The following PLEKHG4B variants were observed in gnomAD, a reference collection of about 807,000 sequenced individuals.
PLEKHG4B encodes the protein pleckstrin homology domain-containing family G member 4B.
Under a neutral mutation model 121.3 loss-of-function variants are expected in PLEKHG4B, and 111 were observed. The ratio of observed to expected loss-of-function variants is 0.92; its 90% CI spans 0.78 to 1.07. PLEKHG4B has a LOEUF of 1.07. PLEKHG4B is among the 50% of genes least tolerant of loss of function. PLEKHG4B has a pLI of 0.00. For synonymous variants in PLEKHG4B, 738 were observed against 725.0 expected (o/e 1.02, Z -0.29); for missense variants, 1,831 against 1,757.8 (o/e 1.04, Z -0.74).
intron 1 of PLEKHG4B, among the ~76,000 whole-genome samples, chr5:93,638 T>C (rs943389748): frequency 1.3e-5 from 2 of 152,226 alleles, no homozygotes; most frequent in African/African-American, 4.8e-5. Flanking sequence ...TCAGGTCCCC[T>C]GTGTTAGCCG....
chr5:154,348 C>T (rs1476576449), intron 7 of PLEKHG4B, among the ~76,000 whole-genome samples: 1 of 152,130 alleles, frequency 6.6e-6, no homozygotes, highest in South Asian at 2.1e-4. Flanking sequence ...AAGCCACCTG[C>T]TGTCAAAAGG....
At chr5:180,881 C>G (rs1021576849) in intron 18 of PLEKHG4B, among the ~76,000 whole-genome samples, 1 of 152,212 alleles carries the variant, frequency 6.6e-6, no homozygotes, top group African/African-American at 2.4e-5. Context: ...TGATCAGTAA[C>G]TCTGTGACTG....
intron 1 of PLEKHG4B, among the ~76,000 whole-genome samples, chr5:111,734 G>C (rs1365162806): frequency 6.6e-6 from 1 of 151,984 alleles, no homozygotes; most frequent in Non-Finnish European, 1.5e-5. Context: ...ATTTCAGCTC[G>C]TGCAGAACAG....
intron 11 of PLEKHG4B, among the ~76,000 whole-genome samples, chr5:158,946 G>A (rs1735897031): frequency 1.3e-5 from 2 of 152,206 alleles, no homozygotes; most frequent in South Asian, 4.1e-4. Flanking sequence ...TTGAGGCCGT[G>A]GTATCTAAAA....
At chr5:124,609 C>G (rs1420051199) in intron 2 of PLEKHG4B, among the ~76,000 whole-genome samples, 3 of 152,166 alleles carry the variant, frequency 2.0e-5, no homozygotes, top group African/African-American at 7.2e-5. Context: ...TATCTTCTTG[C>G]TGTATTTAAC....
intron 6 of PLEKHG4B, among the ~76,000 whole-genome samples, 178 bp downstream of exon 6, chr5:145,098 C>T (rs1286581989): frequency 1.3e-5 from 2 of 152,244 alleles, no homozygotes; most frequent in Admixed American, 6.5e-5. Flanking sequence ...GAGTCCAGCT[C>T]TTGCTCTCTG....
intron 1 of PLEKHG4B, among the ~76,000 whole-genome samples, chr5:95,612 C>T: frequency 6.6e-6 from 1 of 152,292 alleles, no homozygotes; most frequent in East Asian, 1.9e-4. Context: ...TATTCTAAGA[C>T]AAATTTGCCT....
Position 182,359 on chromosome 5 carries a change from G to A in PLEKHG4B, c.*36G>A. ...GGTGGCAGTGCCCATCATGTGGCTAGAACAATACAGAGGGAGCAGCACGCC... is the reference window on the plus strand; with the variant it reads ...GGTGGCAGTGCCCATCATGTGGCTAAAACAATACAGAGGGAGCAGCACGCC... On this transcript the variant is annotated 3_prime_UTR_variant, in exon 20 of 20. Transcript: ENST00000637938. 6.5e-7 allele frequency: 1 copy of A among 1,542,130 alleles called. No homozygotes were observed. The highest frequency in any genetic ancestry group is 8.7e-7 in the Non-Finnish European group (1 of 1,145,740).
At chr5:116,871 G>A (rs1734322090) in intron 2 of PLEKHG4B, among the ~76,000 whole-genome samples, 1 of 152,192 alleles carries the variant, frequency 6.6e-6, no homozygotes, top group African/African-American at 2.4e-5. Flanking sequence ...TTCAGAAGAC[G>A]TTTTCCTTTG....
chr5:94,282 G>C (rs77583049), intron 1 of PLEKHG4B, among the ~76,000 whole-genome samples: 3 of 152,242 alleles, frequency 2.0e-5, no homozygotes, highest in Non-Finnish European at 2.9e-5. Flanking sequence ...CCCACACCTG[G>C]CAGGGCAGGT....
intron 13 of PLEKHG4B, among the ~76,000 whole-genome samples, chr5:168,246 G>A (rs1263408129): frequency 2.6e-5 from 4 of 152,294 alleles, no homozygotes; most frequent in Admixed American, 2.6e-4. Flanking sequence ...TCCTCAGGAC[G>A]CTCATTCAAG....
rs563977941 is a variant in PLEKHG4B at position 186,201 on chromosome 5, C to T, written c.*3878C>T. On this transcript the variant is annotated 3_prime_UTR_variant, in exon 20 of 20. Coordinates refer to ENST00000637938, the MANE Select transcript of PLEKHG4B (RefSeq NM_052909.5). ...CTTCCTGCTGGCAGAAGAGGCCCAC[C>T]GAGTTACGTCCACACCAGCTGGCCC... is the stretch of plus-strand genomic sequence containing the variant. 1 of 152,332 alleles carries T rather than the reference C, an allele frequency of 6.6e-6. No individual in the cohort carries two copies. Among genetic ancestry groups the T allele is most frequent in the Non-Finnish European group, 1.5e-5 (1 of 68,042 alleles). The allele number at this position is 152,332 out of a possible 1,614,324, so 9.4% of individuals were successfully genotyped here.
At chr5:177,130 T>C in intron 18 of PLEKHG4B, among the ~76,000 whole-genome samples, 1 of 152,238 alleles carries the variant, frequency 6.6e-6, no homozygotes, top group East Asian at 1.9e-4. Flanking sequence ...TTCTACTCTT[T>C]GTTATTTTCT....
intron 2 of PLEKHG4B, among the ~76,000 whole-genome samples, chr5:134,889 G>C (rs1734905155): frequency 6.6e-6 from 1 of 151,618 alleles, no homozygotes; most frequent in African/African-American, 2.4e-5. Context: ...GCAACCCAAA[G>C]ATTAAGATAA....
intron 13 of PLEKHG4B, among the ~76,000 whole-genome samples, chr5:167,639 G>A (rs1444466257): frequency 6.6e-6 from 1 of 152,160 alleles, no homozygotes; most frequent in Non-Finnish European, 1.5e-5. Flanking sequence ...CAGAGCTGTG[G>A]GACACGCCCA....
At chr5:133,452 C>T (rs973720566) in intron 2 of PLEKHG4B, among the ~76,000 whole-genome samples, 4 of 151,904 alleles carry the variant, frequency 2.6e-5, no homozygotes, top group African/African-American at 9.7e-5. Flanking sequence ...AAAAAACAGT[C>T]CCATCAAAAA....
intron 6 of PLEKHG4B, among the ~76,000 whole-genome samples, chr5:145,550 T>TG (rs1447646950): frequency 2.0e-5 from 3 of 152,198 alleles, no homozygotes; most frequent in African/African-American, 7.2e-5. Flanking sequence ...TTACTAGAGA[T>TG]GGGGTTTCGC....
At chr5:138,055 C>G (rs969506136) in intron 2 of PLEKHG4B, among the ~76,000 whole-genome samples, 1 of 152,212 alleles carries the variant, frequency 6.6e-6, no homozygotes, top group African/African-American at 2.4e-5. Context: ...GACTGTGGGT[C>G]TGGAGTGGAG....
intron 18 of PLEKHG4B, 59 bp downstream of exon 18, chr5:174,157 T>A: frequency 1.6e-6 from 1 of 617,984 alleles, no homozygotes; most frequent in Non-Finnish European, 2.4e-6. Flanking sequence ...GGGGCAGGGG[T>A]CGGGGCTGGG....
Sources: gnomAD v4.1 joint callset for allele counts (sites outside exome capture counted in the v4.1 genomes callset) on GRCh38, gnomAD v4.1.1 for gene constraint, MANE v1.5 for transcripts, NCBI Gene and HGNC (gene_info 2026-07-23, HGNC 2026-07-21) for gene names.